The following COL28A1 variants were observed in gnomAD, a reference collection of about 807,000 sequenced individuals.
COL28A1 encodes the protein collagen type XXVIII alpha 1 chain.
A neutral mutation model predicts 150.2 loss-of-function variants in COL28A1; 161 were observed. The observed-to-expected ratio is 1.07, with a 90% CI of 0.94 to 1.22. The LOEUF is 1.22. COL28A1 is among the 50% of genes most tolerant of loss of function. The probability of loss-of-function intolerance (pLI) is 0.00; values close to 1 mark genes in which losing one functional copy is unlikely to be tolerated. For synonymous variants in COL28A1, 552 were observed against 469.7 expected (o/e 1.18, Z -2.26); for missense variants, 1,617 against 1,388.3 (o/e 1.16, Z -2.62).
chr7:7,411,187 T>A (rs1021004106), intron 27 of COL28A1, among the ~76,000 whole-genome samples: 4 of 152,170 alleles, frequency 2.6e-5, no homozygotes, highest in Admixed American at 6.5e-5. Context: ...AAAGAGCCCT[T>A]GGAGTTTACA....
At chr7:7,538,825 A>G (rs1331146794), upstream of COL28A1, among the ~76,000 whole-genome samples, 1 of 152,084 alleles carries the variant, frequency 6.6e-6, no homozygotes, top group Non-Finnish European at 1.5e-5. Flanking sequence ...TCCCTATTTT[A>G]GCCACCTCCC....
At chr7:7,369,124 T>A (rs924318759) in intron 33 of COL28A1, among the ~76,000 whole-genome samples, 3 of 152,212 alleles carry the variant, frequency 2.0e-5, no homozygotes, top group African/African-American at 7.2e-5. Flanking sequence ...AAACCTGAGC[T>A]TGCTCTTGTT....
chr7:7,489,174 G>T (rs1779782936), intron 13 of COL28A1, among the ~76,000 whole-genome samples: 1 of 152,108 alleles, frequency 6.6e-6, no homozygotes, highest in Admixed American at 6.5e-5. Context: ...AGAGGCTGAG[G>T]CAGGAGAATC....
At chr7:7,381,840 G>A (rs1358573944) in intron 27 of COL28A1, among the ~76,000 whole-genome samples, 1 of 152,234 alleles carries the variant, frequency 6.6e-6, no homozygotes, top group African/African-American at 2.4e-5. Flanking sequence ...AGGAGTGAGG[G>A]CTCTGATTTA....
chr7:7,439,999 T>C (rs894398854), intron 21 of COL28A1, among the ~76,000 whole-genome samples: 3 of 152,244 alleles, frequency 2.0e-5, no homozygotes, highest in Non-Finnish European at 4.4e-5. Flanking sequence ...TCCTTGTCTC[T>C]TTCTCACAAT....
intron 33 of COL28A1, among the ~76,000 whole-genome samples, chr7:7,362,446 T>C (rs575917690): frequency 1.3e-5 from 2 of 152,314 alleles, no homozygotes; most frequent in East Asian, 3.9e-4. Flanking sequence ...TGGTATGCTG[T>C]CATCATTAAC....
chr7:7,384,050 C>T (rs1782045018), intron 27 of COL28A1, among the ~76,000 whole-genome samples: 1 of 152,108 alleles, frequency 6.6e-6, no homozygotes, highest in Admixed American at 6.5e-5. Flanking sequence ...TCTTTTTATT[C>T]TCTTACATGT....
intron 27 of COL28A1, among the ~76,000 whole-genome samples, chr7:7,387,168 T>G (rs1162061905): frequency 6.6e-6 from 1 of 152,104 alleles, no homozygotes; most frequent in Non-Finnish European, 1.5e-5. Context: ...TGTTTCCTTT[T>G]GAAGGAAACA....
At chr7:7,495,634 T>G (rs1366983421) in intron 11 of COL28A1, among the ~76,000 whole-genome samples, 7 of 152,156 alleles carry the variant, frequency 4.6e-5, no homozygotes, top group Non-Finnish European at 1.0e-4. Flanking sequence ...TCTGCCACCA[T>G]ATGCAACGCA....
chr7:7,339,589 A>G, the COL28A1 span, among the ~76,000 whole-genome samples: 2 of 152,068 alleles, frequency 1.3e-5, no homozygotes, highest in African/African-American at 4.8e-5. Context: ...TGTGTCCTAG[A>G]GTTCTTCTCT....
the COL28A1 span, among the ~76,000 whole-genome samples, chr7:7,346,812 T>A: frequency 6.6e-6 from 1 of 152,068 alleles, no homozygotes; most frequent in Non-Finnish European, 1.5e-5. Flanking sequence ...TAATTTGAAC[T>A]AAGTTCTGGG....
chr7:7,343,542 T>TA, the COL28A1 span, among the ~76,000 whole-genome samples: 2 of 152,076 alleles, frequency 1.3e-5, no homozygotes, highest in Non-Finnish European at 2.9e-5. Flanking sequence ...AATGTACACA[T>TA]AAAAAAATGC....
intron 13 of COL28A1, among the ~76,000 whole-genome samples, chr7:7,488,869 A>G (rs1375644002): frequency 6.6e-6 from 1 of 152,216 alleles, no homozygotes; most frequent in Non-Finnish European, 1.5e-5. Context: ...TTCATCTTGT[A>G]AGAAGTTACA....
At position 7,531,394 on chromosome 7, in the gene COL28A1, A is replaced by T; in HGVS notation, c.635T>A (p.Leu212Ter). Residue 212 changes from leucine (L) to a stop codon, truncating the protein, a stop_gained, in exon 3 of 35, where the codon TTA (leucine) becomes TAA (stop). Coordinates refer to ENST00000399429, the MANE Select transcript of COL28A1 (RefSeq NM_001037763.3). LOFTEE classifies it high-confidence loss of function. ...TACAAGGGTTGGATCACTCAACAGT[A>T]AAGTGGGTTCACTGGATGAATCCCC... ...ISGDSSSEPT[L>*]LLSDPTLVDK... The T allele has an allele frequency of 6.3e-7, 1 of 1,595,806 alleles. No individual in the cohort carries two copies. Among genetic ancestry groups the T allele is most frequent in the Non-Finnish European group, 8.6e-7 (1 of 1,167,630 alleles).
upstream of COL28A1, among the ~76,000 whole-genome samples, chr7:7,536,924 A>T (rs1782664481): frequency 6.6e-6 from 1 of 152,288 alleles, no homozygotes; most frequent in Non-Finnish European, 1.5e-5. Flanking sequence ...AGGTTCTGGA[A>T]ACTGTGACAT....
intron 33 of COL28A1, among the ~76,000 whole-genome samples, chr7:7,364,245 C>T (rs1780818344): frequency 6.6e-6 from 1 of 152,128 alleles, no homozygotes; most frequent in South Asian, 2.1e-4. Flanking sequence ...CAAAATATGC[C>T]ACTTTGGCAC....
At chr7:7,359,708 T>G (rs11773303) in intron 34 of COL28A1, among the ~76,000 whole-genome samples, 118,077 of 151,936 alleles carry the variant, frequency 0.78, 46,068 homozygotes, top group East Asian at 0.87. Flanking sequence ...TTTCCCAGAT[T>G]TGGGGTATGG....
At chr7:7,374,230 C>G (rs1781426910) in intron 31 of COL28A1, among the ~76,000 whole-genome samples, 1 of 152,064 alleles carries the variant, frequency 6.6e-6, no homozygotes, top group South Asian at 2.1e-4. Context: ...TGCTCTTTAT[C>G]ATCCCACCAT....
At chr7:7,518,313 A>C (rs1418522091) in intron 6 of COL28A1, among the ~76,000 whole-genome samples, 1 of 152,132 alleles carries the variant, frequency 6.6e-6, no homozygotes, top group Non-Finnish European at 1.5e-5. Context: ...ATTTAACACA[A>C]AAAAAAGAAG....
Sources: gnomAD v4.1 joint callset for allele counts (sites outside exome capture counted in the v4.1 genomes callset) on GRCh38, gnomAD v4.1.1 for gene constraint, MANE v1.5 for transcripts, NCBI Gene and HGNC (gene_info 2026-07-23, HGNC 2026-07-21) for gene names.